NT5C3A: variants seen among roughly 807,000 people sequenced by gnomAD.
The protein encoded by NT5C3A is 5'-nucleotidase, cytosolic IIIA, also known as cytosolic 5'-nucleotidase 3A.
NT5C3A carries 23 observed loss-of-function variants against 40.0 expected under a neutral mutation model. The observed-to-expected ratio is 0.58, with a 90% confidence interval of 0.41 to 0.81. The LOEUF is 0.81. Ranked by LOEUF, NT5C3A falls within the 40% of genes least tolerant of loss-of-function variation. The pLI, the probability that NT5C3A is intolerant of heterozygous loss-of-function variation, is 0.00. For missense variants in NT5C3A, 328 were observed against 403.0 expected, an observed-to-expected ratio of 0.81 and a Z score of 1.59; for synonymous variants, 130 against 141.4, an observed-to-expected ratio of 0.92 and a Z score of 0.57.
chr7:33,019,531 A>G (rs1377365720), intron 6 of NT5C3A, 104 bp downstream of exon 6: 1 of 753,058 alleles, frequency 1.3e-6, no homozygotes, highest in African/African-American at 1.7e-5. Flanking sequence ...ATATGGTTAT[A>G]TAAGGAATAT....
intron 2 of NT5C3A, among the ~76,000 whole-genome samples, chr7:33,025,144 A>T (rs946074000): frequency 1.3e-5 from 2 of 152,200 alleles, no homozygotes; most frequent in Admixed American, 6.5e-5. Flanking sequence ...ATCTCGAAAA[A>T]ATAAAACAAA....
intron 1 of NT5C3A, chr7:33,029,096 A>G (rs2128000231): frequency 6.6e-6 from 1 of 152,350 alleles, no homozygotes; most frequent in East Asian, 1.9e-4. Flanking sequence ...TTAAAAAGCC[A>G]TATTTAAGTA....
At chr7:33,019,150 G>C (rs1363691656) in intron 6 of NT5C3A, among the ~76,000 whole-genome samples, 2 of 151,914 alleles carry the variant, frequency 1.3e-5, no homozygotes, top group African/African-American at 4.8e-5. Flanking sequence ...AGCTACTTGA[G>C]AGGCTGAGGC....
intron 1 of NT5C3A, among the ~76,000 whole-genome samples, chr7:33,049,109 A>G (rs1787266006): frequency 6.6e-6 from 1 of 152,226 alleles, no homozygotes; most frequent in South Asian, 2.1e-4. Flanking sequence ...AGAATAGTAT[A>G]CTGTTAGAAT....
intron 1 of NT5C3A, among the ~76,000 whole-genome samples, chr7:33,048,956 T>C (rs1335137723): frequency 6.6e-6 from 1 of 152,208 alleles, no homozygotes; most frequent in East Asian, 1.9e-4. Context: ...GTATCATGTC[T>C]AAAAGTAAGT....
intron 3 of NT5C3A, among the ~76,000 whole-genome samples, chr7:33,022,679 T>C (rs1255703253): frequency 6.6e-6 from 1 of 152,204 alleles, no homozygotes; most frequent in Non-Finnish European, 1.5e-5. Flanking sequence ...TCATTTCACA[T>C]TGTAGTCTGC....
chr7:33,048,046 A>C lies in NT5C3A; in HGVS notation c.138+14522T>G, dbSNP rs138400482. Among the ~76,000 whole-genome samples, 41 of 151,888 alleles carry C rather than the reference A, an allele frequency of 2.7e-4. No homozygotes were observed. The East Asian group carries it at 7.5e-3, about 28-fold the overall frequency. Reference sequence around the variant, plus strand: ...TTGATTTCTTACTTAAATAGGATTAAATTCTGTATTTAAATAAACTTTTAG... The same window carrying C: ...TTGATTTCTTACTTAAATAGGATTACATTCTGTATTTAAATAAACTTTTAG... On this transcript the variant is annotated intron_variant, in intron 1 of 8. Transcript: ENST00000610140.
At chr7:33,025,812 A>G (rs1419479381) in intron 2 of NT5C3A, among the ~76,000 whole-genome samples, 2 of 152,192 alleles carry the variant, frequency 1.3e-5, no homozygotes, top group African/African-American at 4.8e-5. Flanking sequence ...TTCCTAAAGG[A>G]TAGGCAAAAA....
At chr7:33,027,224 C>T (rs960110949) in intron 1 of NT5C3A, among the ~76,000 whole-genome samples, 3 of 152,074 alleles carry the variant, frequency 2.0e-5, no homozygotes, top group Non-Finnish European at 4.4e-5. Flanking sequence ...GCCATCATAC[C>T]CAGCTAATTT....
intron 1 of NT5C3A, among the ~76,000 whole-genome samples, chr7:33,033,133 G>A (rs542688871): frequency 1.3e-5 from 2 of 152,270 alleles, no homozygotes; most frequent in East Asian, 3.9e-4. Flanking sequence ...AATCACTTAA[G>A]AAATTCCAGT....
At chr7:33,022,174 A>G (rs1031448265) in intron 3 of NT5C3A, 75 bp from the exon 4 acceptor site, 78 of 834,732 alleles carry the variant, frequency 9.3e-5, no homozygotes, top group Non-Finnish European at 1.4e-4. Flanking sequence ...ATAATTTGCT[A>G]TAAAGTAATG....
chr7:33,016,893 A>C (rs1278700012), intron 7 of NT5C3A, among the ~76,000 whole-genome samples: 1 of 152,036 alleles, frequency 6.6e-6, no homozygotes, highest in Non-Finnish European at 1.5e-5. Context: ...ATTTTAAAGT[A>C]AGTTTTAGGC....
Position 33,021,330 on chromosome 7 carries a change from C to A in NT5C3A, c.382G>T (p.Ala128Ser), listed in dbSNP as rs772942875. ...KLLQLKEKYYAIEVDPVLTVE... is the reference protein window; with the variant it reads ...KLLQLKEKYYSIEVDPVLTVE... Reference sequence around the variant, plus strand: ...GTAAGAACAGGATCAACTTCAATAGCGTAATATTTTTCCTTTAGTTGCAAT... The same window carrying A: ...GTAAGAACAGGATCAACTTCAATAGAGTAATATTTTTCCTTTAGTTGCAAT... The change falls in exon 5 of 9, where the codon GCT (alanine) becomes TCT (serine). Residue 128 changes from alanine to serine, a missense_variant. Ala to Ser is a moderately conservative substitution (Grantham distance 99). Transcript: ENST00000610140. 6.2e-7 allele frequency: 1 copy of A among 1,611,184 alleles called. No homozygotes were observed. Among genetic ancestry groups the A allele is most frequent in the Non-Finnish European group, 8.5e-7 (1 of 1,178,326 alleles).
intron 2 of NT5C3A, among the ~76,000 whole-genome samples, chr7:33,026,447 C>T (rs754245812): frequency 6.6e-6 from 1 of 151,746 alleles, no homozygotes; most frequent in Non-Finnish European, 1.5e-5. Context: ...CTCCGCCTCC[C>T]GGGGTTAAGT....
chr7:33,044,360 G>T (rs7801986), intron 1 of NT5C3A, among the ~76,000 whole-genome samples: 110,169 of 152,030 alleles, frequency 0.72, 40,192 homozygotes, highest in African/African-American at 0.79. Flanking sequence ...GACACTGAAT[G>T]TTGTTTCTAA....
intron 1 of NT5C3A, among the ~76,000 whole-genome samples, chr7:33,054,337 G>C (rs1281041443): frequency 6.9e-6 from 1 of 144,144 alleles, no homozygotes; most frequent in East Asian, 2.0e-4. Context: ...CTGGGTGGCA[G>C]AGTAAGACCC....
intron 1 of NT5C3A, among the ~76,000 whole-genome samples, chr7:33,036,848 T>C (rs1406803556): frequency 6.6e-6 from 1 of 152,196 alleles, no homozygotes; most frequent in Non-Finnish European, 1.5e-5. Context: ...AGTCTTGCTC[T>C]GTTGCCAGGC....
At chr7:33,029,814 G>A (rs765561158) in intron 1 of NT5C3A, 57 of 645,280 alleles carry the variant, frequency 8.8e-5, no homozygotes, top group Middle Eastern at 6.1e-4. Flanking sequence ...TGATCTCCCC[G>A]CTTCAGCCTC....
chr7:33,028,950 G>A (rs1354538275), intron 1 of NT5C3A, among the ~76,000 whole-genome samples: 2 of 151,930 alleles, frequency 1.3e-5, no homozygotes, highest in African/African-American at 2.4e-5. Flanking sequence ...AGCTAGTTGG[G>A]AGGCTGAGGC....
Sources: allele counts gnomAD v4.1 joint callset (sites outside exome capture counted in the v4.1 genomes callset), GRCh38; gene constraint gnomAD v4.1.1; transcripts MANE v1.5; gene names NCBI Gene and HGNC (gene_info 2026-07-23, HGNC 2026-07-21).